The following SH2D2A variants were observed in gnomAD, a reference collection of about 807,000 sequenced individuals.
SH2D2A encodes SH2 domain-containing protein 2A.
Under a neutral mutation model 43.6 loss-of-function variants are expected in SH2D2A, and 33 were observed. That is an observed-to-expected ratio of 0.76 (90% CI 0.57 to 1.01). The LOEUF is 1.01. SH2D2A is among the 50% of genes least tolerant of loss of function. SH2D2A has a pLI of 0.00. For synonymous variants in SH2D2A, 212 were observed against 206.1 expected (o/e 1.03, Z -0.25); for missense variants, 491 against 503.1 (o/e 0.98, Z 0.23).
intron 3 of SH2D2A, 113 bp downstream of exon 3, chr1:156,814,924 C>G: frequency 1.0e-6 from 1 of 955,486 alleles, no homozygotes; most frequent in African/African-American, 1.7e-5. Flanking sequence ...GCGCCTCCAT[C>G]TACTCCAGAC....
intron 3 of SH2D2A, 125 bp from the exon 4 acceptor site, chr1:156,814,419 T>A (rs904543600): frequency 1.4e-6 from 2 of 1,481,334 alleles, no homozygotes; most frequent in African/African-American, 2.8e-5. Context: ...AGAGAAAGGC[T>A]AGGGCGGAGA....
chr1:156,811,138 G>A (rs950216794), intron 5 of SH2D2A, among the ~76,000 whole-genome samples: 1 of 152,096 alleles, frequency 6.6e-6, no homozygotes, highest in Non-Finnish European at 1.5e-5. Flanking sequence ...CCCTGCTGCC[G>A]AAACAGCACC....
chr1:156,815,253 G>A (rs1388636194), intron 2 of SH2D2A, 32 bp from the exon 3 acceptor site: 8 of 1,428,178 alleles, frequency 5.6e-6, no homozygotes, highest in African/African-American at 1.4e-5. Flanking sequence ...GGAGGGGGAA[G>A]CAGCATGATG....
chr1:156,809,523 G>C lies in SH2D2A; in HGVS notation c.715-33C>G, dbSNP rs1211478733. ...AGAAGGTGAGGCCAGGGAGGAGTGG[G>C]GTGAGGGAGGCAGGGTTAAAGCCCC... On this transcript the variant is annotated intron_variant, in intron 6 of 8. Transcript: ENST00000368199. The surrounding 1 kb of genome is among the most constrained non-coding windows in gnomAD (Gnocchi z 4.8). 6.4e-7 allele frequency: 1 copy of C among 1,569,854 alleles called. No homozygotes were observed. The highest frequency in any genetic ancestry group is 1.2e-5 in the South Asian group (1 of 84,654).
intron 3 of SH2D2A, 166 bp downstream of exon 3, chr1:156,814,871 A>C (rs1180366042): frequency 4.8e-5 from 25 of 518,720 alleles, no homozygotes; most frequent in Non-Finnish European, 1.3e-5. Flanking sequence ...GAGATGCCTC[A>C]GTGAAAGGCT....
chr1:156,814,945 G>A, intron 3 of SH2D2A, 92 bp downstream of exon 3: 1 of 1,160,714 alleles, frequency 8.6e-7, no homozygotes, highest in Non-Finnish European at 1.2e-6. Context: ...TGGTAGAAGT[G>A]GGAGCCTTCA....
chr1:156,809,575 C>A lies in SH2D2A; in HGVS notation c.715-85G>T. The A allele has an allele frequency of 6.4e-7, 1 of 1,552,354 alleles. No homozygotes were observed. Among genetic ancestry groups the A allele is most frequent in the Non-Finnish European group, 8.7e-7 (1 of 1,148,986 alleles). On this transcript the variant is annotated intron_variant, in intron 6 of 8. Coordinates refer to ENST00000368199, the MANE Select transcript of SH2D2A (RefSeq NM_003975.4). The surrounding 1 kb of genome is among the most constrained non-coding windows in gnomAD (Gnocchi z 4.8). ...GCCTAACTCCCAGCCTGAGCCTCTG[C>A]CCCCGCTAGGCCCCTCCTCCTCCCC...
intron 5 of SH2D2A, among the ~76,000 whole-genome samples, chr1:156,813,028 T>A (rs1239836562): frequency 2.6e-5 from 4 of 152,184 alleles, no homozygotes; most frequent in Non-Finnish European, 4.4e-5. Context: ...CACCCTGGAT[T>A]TCTATTACTT....
At chr1:156,812,873 A>G (rs147102013) in intron 5 of SH2D2A, among the ~76,000 whole-genome samples, 1 of 152,370 alleles carries the variant, frequency 6.6e-6, no homozygotes, top group African/African-American at 2.4e-5. Flanking sequence ...AGGCAGAGAT[A>G]TTCAGGTCAT....
chr1:156,814,965 G>A, intron 3 of SH2D2A, 72 bp downstream of exon 3: 1 of 1,315,894 alleles, frequency 7.6e-7, no homozygotes, highest in African/African-American at 1.5e-5. Flanking sequence ...ATCTATTCCT[G>A]GCAGGTGGCA....
At position 156,814,285 on chromosome 1, in the gene SH2D2A, C is replaced by T; in HGVS notation, c.318G>A (p.Glu106=). ...CCTGAGGCTTGGGCTCCAGCAGCCT[C>T]TCTGCCTCCCTGTGGGTGACGGAGA... is the stretch of plus-strand genomic sequence containing the variant. ...FHGFITRREA[E]RLLEPKPQGC... The change falls in exon 4 of 9, where the codon GAG becomes GAA. Residue 106 remains glutamate, a synonymous_variant. Coordinates refer to ENST00000368199, the MANE Select transcript of SH2D2A (RefSeq NM_003975.4). The T allele has an allele frequency of 6.2e-7, 1 of 1,613,722 alleles. No homozygotes were observed. The highest frequency in any genetic ancestry group is 8.5e-7 in the Non-Finnish European group (1 of 1,179,894).
At chr1:156,808,124 C>T (rs1653100737) in intron 7 of SH2D2A, among the ~76,000 whole-genome samples, 1 of 152,110 alleles carries the variant, frequency 6.6e-6, no homozygotes, top group Non-Finnish European at 1.5e-5. Context: ...TGCACTCCAG[C>T]CTGGGTGACA....
Position 156,809,782 on chromosome 1 carries a change from A to G in SH2D2A, c.593T>C (p.Leu198Pro). The change falls in exon 6 of 9, where the codon CTG becomes CCG. Residue 198 changes from leucine (L) to proline (P), a missense_variant. Transcript: ENST00000368199. The surrounding 1 kb of genome is among the most constrained non-coding windows in gnomAD (Gnocchi z 4.8). ...TCCAAAGTTTGATTCTTCGGTCCTC[A>G]GGGAAAGTCCTGCAGGCTCAGGAGT... is the stretch of plus-strand genomic sequence containing the variant. ...RQTPEPAGLS[L>P]RTEESNFGSK... The G allele has an allele frequency of 6.2e-7, 1 of 1,613,554 alleles. No individual in the cohort carries two copies.
chr1:156,816,724 A>T lies in SH2D2A; in HGVS notation c.-16T>A, dbSNP rs1305075946. On this transcript the variant is annotated 5_prime_UTR_variant, in exon 1 of 9. It adds an upstream start codon to the 5' untranslated region. Coordinates refer to ENST00000368199, the MANE Select transcript of SH2D2A (RefSeq NM_003975.4). ...GGAACTCCATGAGGGCAGCCTCACAAGGGATCCCAGAGCAGGGTGTGTGTA... is the reference window on the plus strand; with the variant it reads ...GGAACTCCATGAGGGCAGCCTCACATGGGATCCCAGAGCAGGGTGTGTGTA... The T allele has an allele frequency of 6.3e-7, 1 of 1,592,458 alleles. No homozygotes were observed.
At chr1:156,815,725 G>A (rs779097484) in intron 2 of SH2D2A, 71 of 1,283,072 alleles carry the variant, frequency 5.5e-5, no homozygotes, top group Non-Finnish European at 6.7e-5. Flanking sequence ...GAGTGCAGAT[G>A]CCTGCTTCTG....
In SH2D2A at chr1:156,809,579, C is replaced by G; in HGVS notation, c.714+82G>C. 1.3e-6 allele frequency: 2 copies of G among 1,555,472 alleles called. No individual in the cohort carries two copies. Among genetic ancestry groups the G allele is most frequent in the Non-Finnish European group, 1.7e-6 (2 of 1,151,246 alleles). ...AACTCCCAGCCTGAGCCTCTGCCCC[C>G]GCTAGGCCCCTCCTCCTCCCCGCTG... On this transcript the variant is annotated intron_variant, in intron 6 of 8. Transcript: ENST00000368199. The surrounding 1 kb of genome is among the most constrained non-coding windows in gnomAD (Gnocchi z 4.8).
intron 2 of SH2D2A, 98 bp from the exon 3 acceptor site, chr1:156,815,319 C>A: frequency 1.1e-6 from 1 of 919,704 alleles, no homozygotes; most frequent in Non-Finnish European, 1.6e-6. Flanking sequence ...TCATACCCAG[C>A]CTCTCCTGTC....
At chr1:156,814,998 C>T (rs1437080017) in intron 3 of SH2D2A, 39 bp downstream of exon 3, 1 of 1,431,796 alleles carries the variant, frequency 7.0e-7, no homozygotes, top group South Asian at 1.6e-5. Flanking sequence ...AGGACTTGCC[C>T]TGCCCCTGTC....
rs1028759560 is a variant in SH2D2A at position 156,809,972 on chromosome 1, C to A, written c.568-165G>T. Among the ~76,000 whole-genome samples, 2 of 152,030 alleles carry A rather than the reference C, an allele frequency of 1.3e-5. No individual in the cohort carries two copies. The highest frequency in any genetic ancestry group is 2.9e-5 in the Non-Finnish European group (2 of 67,996). ...CTGGATGAGGAAGAGGGGGTGGTGA[C>A]GGCAGGGAGACCCAGGGTTGGATGG... On this transcript the variant is annotated intron_variant, in intron 5 of 8. Coordinates refer to ENST00000368199, the MANE Select transcript of SH2D2A (RefSeq NM_003975.4). This position sits in a 1 kb window ranked among gnomAD's most constrained non-coding sequence, Gnocchi z 4.8.
Sources: gnomAD v4.1 joint callset for allele counts (sites outside exome capture counted in the v4.1 genomes callset) on GRCh38, gnomAD v4.1.1 for gene constraint, Gnocchi (gnomAD v3.1) non-coding constraint, MANE v1.5 for transcripts, NCBI Gene and HGNC (gene_info 2026-07-23, HGNC 2026-07-21) for gene names.